The following PAN3 variants were observed in gnomAD, a reference collection of about 807,000 sequenced individuals.
The protein encoded by PAN3 is poly(A) specific ribonuclease subunit PAN3, also known as PAN2-PAN3 deadenylation complex subunit PAN3.
Under a neutral mutation model 96.2 loss-of-function variants are expected in PAN3, and 19 were observed. The ratio of observed to expected loss-of-function variants is 0.20; its 90% confidence interval spans 0.14 to 0.29. The LOEUF is 0.29. PAN3 is among the 10% of genes least tolerant of loss of function. The pLI is 1.00. For missense variants in PAN3, 882 were observed against 1,108.1 expected, an observed-to-expected ratio of 0.80 and a Z score of 2.90; for synonymous variants, 433 against 406.6, an observed-to-expected ratio of 1.06 and a Z score of -0.78.
intron 17 of PAN3, among the ~76,000 whole-genome samples, chr13:28,287,374 C>T (rs745710245): frequency 6.6e-6 from 1 of 152,046 alleles, no homozygotes; most frequent in Non-Finnish European, 1.5e-5. Context: ...CAGGCGCGGC[C>T]CTAGATAAAT....
At chr13:28,199,756 T>C (rs901379735) in intron 5 of PAN3, among the ~76,000 whole-genome samples, 1 of 152,140 alleles carries the variant, frequency 6.6e-6, no homozygotes, top group African/African-American at 2.4e-5. Context: ...TTTTGTGTGA[T>C]TAGAAAGTAT....
chr13:28,192,311 G>A (rs1023425767), intron 4 of PAN3, among the ~76,000 whole-genome samples: 11 of 149,158 alleles, frequency 7.4e-5, no homozygotes, highest in East Asian at 4.1e-4. Flanking sequence ...CTCATGATCC[G>A]TTCGCCTCAG....
chr13:28,234,121 G>C (rs1882858319), intron 6 of PAN3, among the ~76,000 whole-genome samples: 2 of 152,158 alleles, frequency 1.3e-5, no homozygotes, highest in South Asian at 4.1e-4. Flanking sequence ...AGGCAGTTAA[G>C]AAGCACTAGT....
chr13:28,236,439 C>T (rs1306056736), intron 6 of PAN3, among the ~76,000 whole-genome samples: 1 of 152,050 alleles, frequency 6.6e-6, no homozygotes, highest in Non-Finnish European at 1.5e-5. Context: ...TACCCCTTTA[C>T]ATCTAGAGTA....
chr13:28,185,169 G>A (rs1042240502), intron 4 of PAN3, among the ~76,000 whole-genome samples: 2 of 152,058 alleles, frequency 1.3e-5, no homozygotes, highest in Non-Finnish European at 2.9e-5. Flanking sequence ...AAATGGCTAT[G>A]TGTTCTCTCT....
At chr13:28,225,239 GA>G (rs1337725073) in intron 6 of PAN3, among the ~76,000 whole-genome samples, 1 of 152,090 alleles carries the variant, frequency 6.6e-6, no homozygotes, top group Non-Finnish European at 1.5e-5. Flanking sequence ...AGAAAAAGGG[GA>G]AATTAATATT....
In PAN3 at chr13:28,177,857, C is replaced by T; in HGVS notation, c.620-8C>T. 1 of 1,610,960 alleles carries T rather than the reference C, an allele frequency of 6.2e-7. No individual in the cohort carries two copies. The highest frequency in any genetic ancestry group is 1.1e-5 in the South Asian group (1 of 90,958). On this transcript the variant is annotated splice_polypyrimidine_tract_variant and splice_region_variant and intron_variant, in intron 3 of 18. Coordinates refer to ENST00000380958, the MANE Select transcript of PAN3 (RefSeq NM_175854.8). ...TATGTGTGGAAACTTACGTAACTTA[C>T]CTTTCAGATCCTCTAACATCACCTG...
At position 28,174,851 on chromosome 13, in the gene PAN3, TTGCATATAGAAGCATAG is replaced by T. The variant is rs546632713; in HGVS notation, c.552+462_552+478del. Among the ~76,000 whole-genome samples the T allele has an allele frequency of 9.3e-3, 1,412 of 152,362 alleles. 18 individuals carry two copies. Among genetic ancestry groups the T allele is most frequent in the Non-Finnish European group, 0.012 (826 of 68,026 alleles). ...CTGTGTATCCTCTCAGGAATATTCT[TTGCATATAGAAGCATAG>T]TGCTAGTTTTATTTTGTTTAATGCT... On this transcript the variant is annotated intron_variant, in intron 2 of 18. Transcript: ENST00000380958.
intron 18 of PAN3, among the ~76,000 whole-genome samples, chr13:28,291,555 C>G (rs1869745796): frequency 6.6e-6 from 1 of 152,202 alleles, no homozygotes; most frequent in Admixed American, 6.5e-5. Flanking sequence ...TTAGGCTGGG[C>G]ACGGTGGCTC....
At chr13:28,150,306 C>G (rs1871205403) in intron 1 of PAN3, among the ~76,000 whole-genome samples, 1 of 152,018 alleles carries the variant, frequency 6.6e-6, no homozygotes, top group Non-Finnish European at 1.5e-5. Flanking sequence ...TTAGCGAGGT[C>G]CTCAGATATG....
At chr13:28,240,490 G>GT (rs1269745170) in intron 6 of PAN3, among the ~76,000 whole-genome samples, 7 of 152,258 alleles carry the variant, frequency 4.6e-5, no homozygotes, top group Non-Finnish European at 8.8e-5. Flanking sequence ...TCATTTGAAA[G>GT]TTGGGATGGT....
intron 1 of PAN3, among the ~76,000 whole-genome samples, chr13:28,159,465 G>A (rs1872637109): frequency 6.6e-6 from 1 of 152,040 alleles, no homozygotes; most frequent in Non-Finnish European, 1.5e-5. Context: ...TATTTTTTTT[G>A]AGATGGAGTT....
At chr13:28,261,580 C>A (rs1354786970) in intron 9 of PAN3, 122 bp downstream of exon 9, 1 of 752,184 alleles carries the variant, frequency 1.3e-6, no homozygotes, top group South Asian at 2.4e-5. Context: ...TACCTGTAAT[C>A]CCAGCAGTTT....
At chr13:28,287,252 A>G (rs1487054911) in intron 17 of PAN3, among the ~76,000 whole-genome samples, 2 of 152,218 alleles carry the variant, frequency 1.3e-5, no homozygotes, top group East Asian at 3.8e-4. Flanking sequence ...ATTTAATGTT[A>G]TACATTTTCT....
intron 6 of PAN3, among the ~76,000 whole-genome samples, chr13:28,237,032 C>G (rs1883179843): frequency 1.3e-5 from 2 of 152,222 alleles, no homozygotes; most frequent in South Asian, 2.1e-4. Flanking sequence ...GTCTTAGGCT[C>G]TTAGTCCCTG....
At chr13:28,240,980 C>A (rs1391924761) in intron 6 of PAN3, among the ~76,000 whole-genome samples, 1 of 152,170 alleles carries the variant, frequency 6.6e-6, no homozygotes, top group Non-Finnish European at 1.5e-5. Context: ...TCCTTTTCGG[C>A]CGGATGTGGT....
chr13:28,152,142 C>T (rs1871444218), intron 1 of PAN3, among the ~76,000 whole-genome samples: 1 of 152,132 alleles, frequency 6.6e-6, no homozygotes, highest in African/African-American at 2.4e-5. Flanking sequence ...TATTTGCATA[C>T]ACTATCCCAT....
At chr13:28,251,870 GGGTT>G (rs951890792) in intron 6 of PAN3, among the ~76,000 whole-genome samples, 22 of 104,220 alleles carry the variant, frequency 2.1e-4, no homozygotes, top group African/African-American at 5.9e-4. Context: ...CTTGCTCTTG[GGGTT>G]GGTTTGTTTG....
intron 18 of PAN3, among the ~76,000 whole-genome samples, chr13:28,292,159 A>AACG (rs1566267524): frequency 6.6e-5 from 10 of 151,998 alleles, no homozygotes; most frequent in Non-Finnish European, 1.5e-4. Flanking sequence ...TAATACAAAC[A>AACG]AACGTTAAGC....
Sources: gnomAD v4.1 joint callset for allele counts (sites outside exome capture counted in the v4.1 genomes callset) on GRCh38, gnomAD v4.1.1 for gene constraint, MANE v1.5 for transcripts, NCBI Gene and HGNC (gene_info 2026-07-23, HGNC 2026-07-21) for gene names.